The following ZBTB7C variants were observed in gnomAD, a reference collection of about 807,000 sequenced individuals.
The protein encoded by ZBTB7C is zinc finger and BTB domain containing 7C, also known as zinc finger and BTB domain-containing protein 7C.
In ZBTB7C, 8 loss-of-function variants were observed where a neutral mutation model predicts 25.7. The observed-to-expected ratio is 0.31, with a 90% CI of 0.18 to 0.56. The LOEUF is 0.56. Among genes scored for constraint, ZBTB7C ranks in the 20% least tolerant of loss-of-function variants. ZBTB7C has a pLI of 0.91. For synonymous variants in ZBTB7C, 394 were observed against 369.0 expected (o/e 1.07, Z -0.78); for missense variants, 824 against 855.2 (o/e 0.96, Z 0.46).
At chr18:48,264,366 G>A (rs780947936) in intron 2 of ZBTB7C, among the ~76,000 whole-genome samples, 31 of 150,898 alleles carry the variant, frequency 2.1e-4, no homozygotes, top group Admixed American at 4.0e-4. Flanking sequence ...AGGAGCACTC[G>A]CCGCATGTCA....
chr18:48,248,715 G>C (rs1024806026), intron 2 of ZBTB7C, among the ~76,000 whole-genome samples: 1 of 152,074 alleles, frequency 6.6e-6, no homozygotes, highest in Non-Finnish European at 1.5e-5. Flanking sequence ...CTGGTAACTC[G>C]ATGTTGAATA....
intron 3 of ZBTB7C, among the ~76,000 whole-genome samples, chr18:48,125,965 T>G (rs984692727): frequency 6.6e-6 from 1 of 152,196 alleles, no homozygotes; most frequent in Admixed American, 6.5e-5. Flanking sequence ...GCTGGCATGC[T>G]GGCGGCAGGG....
At chr18:48,223,428 C>T (rs1186352598) in intron 2 of ZBTB7C, among the ~76,000 whole-genome samples, 2 of 152,204 alleles carry the variant, frequency 1.3e-5, no homozygotes, top group Non-Finnish European at 2.9e-5. Context: ...AGCTAATAGA[C>T]CACACATGTT....
At chr18:48,363,780 C>T (rs1044087350) in intron 1 of ZBTB7C, among the ~76,000 whole-genome samples, 3 of 152,122 alleles carry the variant, frequency 2.0e-5, no homozygotes, top group Non-Finnish European at 4.4e-5. Flanking sequence ...TCAGAAAAAC[C>T]TCACTGGTAG....
At chr18:48,166,999 C>A (rs1005984191) in intron 3 of ZBTB7C, among the ~76,000 whole-genome samples, 51 of 152,156 alleles carry the variant, frequency 3.4e-4, no homozygotes, top group African/African-American at 1.2e-3. Flanking sequence ...CAAAGCAGAG[C>A]CTGCTCAGCC....
chr18:48,378,808 A>G (rs1170737855), intron 1 of ZBTB7C, among the ~76,000 whole-genome samples: 1 of 152,224 alleles, frequency 6.6e-6, no homozygotes, highest in East Asian at 1.9e-4. Context: ...TGTAAATTAA[A>G]AATATAATAA....
chr18:48,141,516 C>A (rs949277599), intron 3 of ZBTB7C, among the ~76,000 whole-genome samples: 2 of 151,984 alleles, frequency 1.3e-5, no homozygotes, highest in African/African-American at 4.8e-5. Flanking sequence ...AGGACTGGAT[C>A]TTGTCTTGAT....
At chr18:48,399,187 T>A (rs2048102705) in intron 1 of ZBTB7C, among the ~76,000 whole-genome samples, 1 of 152,192 alleles carries the variant, frequency 6.6e-6, no homozygotes, top group South Asian at 2.1e-4. Flanking sequence ...GATGCACACA[T>A]ACACACATAT....
In ZBTB7C at chr18:48,141,140, C is replaced by G. The variant is rs796588558; in HGVS notation, c.-17+44794G>C. ...TGCAATCACAGATAGGCATCCCCCC[C>G]GCACCACCCCCCCCACTGTTCCTTC... On this transcript the variant is annotated intron_variant, in intron 3 of 4. Transcript: ENST00000590800. Among the ~76,000 whole-genome samples, 281 of 51,916 alleles carry G rather than the reference C, an allele frequency of 5.4e-3. 6 individuals are homozygous for G. Among genetic ancestry groups the G allele is most frequent in the African/African-American group, 0.018 (268 of 14,790 alleles). The allele number at this position is 51,916 out of a possible 152,430, so 34.1% of individuals were successfully genotyped here.
At chr18:48,276,547 G>A (rs1346714411) in intron 2 of ZBTB7C, among the ~76,000 whole-genome samples, 3 of 114,642 alleles carry the variant, frequency 2.6e-5, no homozygotes, top group South Asian at 3.3e-4. Flanking sequence ...GAGAATATGC[G>A]GTGTTTGGTT....
At chr18:48,290,122 C>A (rs1354183257) in intron 2 of ZBTB7C, among the ~76,000 whole-genome samples, 1 of 152,168 alleles carries the variant, frequency 6.6e-6, no homozygotes, top group Non-Finnish European at 1.5e-5. Context: ...GCATTTAGCA[C>A]CTCGTACACG....
intron 3 of ZBTB7C, among the ~76,000 whole-genome samples, chr18:48,153,710 G>A (rs2040747892): frequency 6.6e-6 from 1 of 152,210 alleles, no homozygotes; most frequent in South Asian, 2.1e-4. Context: ...TCCACCCTGA[G>A]CCACACACTC....
At chr18:48,375,076 A>G (rs1035753213) in intron 1 of ZBTB7C, among the ~76,000 whole-genome samples, 3 of 152,248 alleles carry the variant, frequency 2.0e-5, no homozygotes, top group Admixed American at 2.0e-4. Flanking sequence ...AAAATGCAGC[A>G]ACACAAGCTG....
intron 2 of ZBTB7C, among the ~76,000 whole-genome samples, chr18:48,310,004 T>G (rs1598840116): frequency 2.0e-5 from 3 of 152,024 alleles, no homozygotes; most frequent in Non-Finnish European, 4.4e-5. Flanking sequence ...CTGAGGCAGG[T>G]GGATCACGGG....
chr18:48,069,261 A>T (rs955285893), intron 3 of ZBTB7C, among the ~76,000 whole-genome samples: 1 of 152,136 alleles, frequency 6.6e-6, no homozygotes, highest in African/African-American at 2.4e-5. Context: ...TTCTCACCAC[A>T]ATCGGAAAAT....
At chr18:48,150,258 AG>A (rs1196150371) in intron 3 of ZBTB7C, 1 of 152,168 alleles carries the variant, frequency 6.6e-6, no homozygotes, top group African/African-American at 2.4e-5. Flanking sequence ...AAACTGCATA[AG>A]GTGGCTCAGA....
intron 3 of ZBTB7C, among the ~76,000 whole-genome samples, chr18:48,046,337 G>A (rs2036467407): frequency 6.6e-6 from 1 of 152,186 alleles, no homozygotes; most frequent in Non-Finnish European, 1.5e-5. Context: ...ATGTATTGAG[G>A]AAGTGACACC....
At chr18:48,118,538 T>G (rs1337659784) in intron 3 of ZBTB7C, among the ~76,000 whole-genome samples, 2 of 152,224 alleles carry the variant, frequency 1.3e-5, no homozygotes, top group Non-Finnish European at 2.9e-5. Context: ...ACCTGAAATA[T>G]TTAGTCTTTG....
chr18:48,220,745 A>G (rs1023502083), intron 2 of ZBTB7C, among the ~76,000 whole-genome samples: 1 of 152,100 alleles, frequency 6.6e-6, no homozygotes, highest in African/African-American at 2.4e-5. Context: ...ACATATGTCA[A>G]CTCACTCTAC....
Sources: gnomAD v4.1 joint callset for allele counts (sites outside exome capture counted in the v4.1 genomes callset) on GRCh38, gnomAD v4.1.1 for gene constraint, MANE v1.5 for transcripts, NCBI Gene and HGNC (gene_info 2026-07-23, HGNC 2026-07-21) for gene names.